Variants in ASS1 observed in about 807,000 individuals in gnomAD.
The protein encoded by ASS1 is argininosuccinate synthase 1, also known as argininosuccinate synthase.
Under a neutral mutation model 60.5 loss-of-function variants are expected in ASS1, and 58 were observed. The observed-to-expected ratio is 0.96, with a 90% CI of 0.78 to 1.19. The LOEUF (loss-of-function observed/expected upper bound fraction) is 1.19. Ranked by LOEUF, ASS1 falls within the 50% of genes most tolerant of loss-of-function variation. The pLI is 0.00. For missense variants in ASS1, 454 were observed against 547.3 expected (o/e 0.83, Z 1.70); for synonymous variants, 200 against 206.9 (o/e 0.97, Z 0.29).
At chr9:130,483,927 AG>A (rs552719505) in intron 11 of ASS1, among the ~76,000 whole-genome samples, 3 of 151,840 alleles carry the variant, frequency 2.0e-5, no homozygotes, top group African/African-American at 4.8e-5. Context: ...AGAAGGAACA[AG>A]GGCTGTCACC....
chr9:130,455,269 C>G (rs1845423650), intron 3 of ASS1, among the ~76,000 whole-genome samples: 1 of 151,782 alleles, frequency 6.6e-6, no homozygotes, highest in African/African-American at 2.4e-5. Flanking sequence ...ATCTATCCAT[C>G]CATCCCATTA....
At chr9:130,495,444 C>CATAT (rs142565065) in intron 13 of ASS1, among the ~76,000 whole-genome samples, 70 of 139,818 alleles carry the variant, frequency 5.0e-4, no homozygotes, top group Middle Eastern at 3.6e-3. Context: ...CACACACATA[C>CATAT]ATATATATAT....
intron 1 of ASS1, among the ~76,000 whole-genome samples, chr9:130,448,356 CAT>C (rs1385183273): frequency 3.2e-4 from 48 of 152,244 alleles, no homozygotes; most frequent in African/African-American, 1.1e-3. Flanking sequence ...ACATCACACA[CAT>C]GCATGCACAC....
intron 2 of ASS1, among the ~76,000 whole-genome samples, chr9:130,454,092 A>G (rs1845383176): frequency 6.6e-6 from 1 of 152,252 alleles, no homozygotes; most frequent in African/African-American, 2.4e-5. Flanking sequence ...GCCACCAGCC[A>G]TCACCACGCT....
rs901134925 is a variant in ASS1, at chr9:130,489,760, G to A, written c.970+296G>A. 3.3e-5 allele frequency among the ~76,000 whole-genome samples: 5 copies of A among 152,266 alleles called. No homozygotes were observed. The highest frequency in any genetic ancestry group is 6.5e-5 in the Admixed American group (1 of 15,290). On this transcript the variant is annotated intron_variant, in intron 12 of 14. Coordinates refer to ENST00000352480, the MANE Select transcript of ASS1 (RefSeq NM_054012.4). This position sits in a 1 kb window ranked among gnomAD's most constrained non-coding sequence, Gnocchi z 4.1. ...ACCCCCTACAGTTTGCATGACTGCA[G>A]CAATGCCAGGCACTGGGCACTGTGC...
intron 8 of ASS1, among the ~76,000 whole-genome samples, chr9:130,474,697 C>T (rs1207747822): frequency 6.6e-6 from 1 of 152,256 alleles, no homozygotes; most frequent in Admixed American, 6.5e-5. Context: ...TGATGCCTAC[C>T]TGTGGCTGTG....
At chr9:130,475,455 G>A (rs1845989955) in intron 8 of ASS1, among the ~76,000 whole-genome samples, 2 of 152,224 alleles carry the variant, frequency 1.3e-5, no homozygotes, top group East Asian at 3.8e-4. Context: ...GCTTCCCCAA[G>A]GCCCCCCAGC....
intron 11 of ASS1, among the ~76,000 whole-genome samples, chr9:130,483,314 G>A (rs374153725): frequency 5.4e-4 from 72 of 132,124 alleles, no homozygotes; most frequent in African/African-American, 1.9e-3. Flanking sequence ...TACAAAGCTC[G>A]TAATTGAAAT....
In ASS1 at chr9:130,476,315, C is replaced by T. The variant is rs969372944; in HGVS notation, c.598-556C>T. The stretch of plus-strand genomic sequence containing the variant: ...CAGACGAGAGGCCCATTTTCCAACA[C>T]GCCCAAGAAAAAATATACATAAAGG... On this transcript the variant is annotated intron_variant, in intron 8 of 14. Coordinates refer to ENST00000352480, the MANE Select transcript of ASS1 (RefSeq NM_054012.4). The surrounding 1 kb of genome is among the most constrained non-coding windows in gnomAD (Gnocchi z 4.9). 11 of 156,910 alleles carry T rather than the reference C, an allele frequency of 7.0e-5. No individual in the cohort carries two copies. The highest frequency in any genetic ancestry group is 1.7e-4 in the African/African-American group (7 of 41,612). 9.7% of individuals were successfully genotyped at this position (156,910 alleles called of 1,614,324 possible). A position where few individuals can be genotyped will look rare whatever the true frequency, so the allele number is the denominator to read the frequency against.
At chr9:130,453,162 GC>G (rs1338699982) in intron 2 of ASS1, among the ~76,000 whole-genome samples, 1 of 152,224 alleles carries the variant, frequency 6.6e-6, no homozygotes, top group Non-Finnish European at 1.5e-5. Flanking sequence ...AAAAAGGAGG[GC>G]TTACCCCCAG....
intron 8 of ASS1, among the ~76,000 whole-genome samples, chr9:130,475,464 G>C (rs1174432994): frequency 1.3e-5 from 2 of 152,216 alleles, no homozygotes; most frequent in African/African-American, 4.8e-5. Context: ...AGGCCCCCCA[G>C]CCTGAGCTCT....
intron 11 of ASS1, among the ~76,000 whole-genome samples, chr9:130,482,619 A>T (rs1439659825): frequency 6.6e-6 from 1 of 152,124 alleles, no homozygotes; most frequent in Non-Finnish European, 1.5e-5. Context: ...AATGAACTGA[A>T]GGAGGTGGTT....
chr9:130,455,755 G>A (rs1845435894), intron 3 of ASS1, among the ~76,000 whole-genome samples: 1 of 152,278 alleles, frequency 6.6e-6, no homozygotes. Flanking sequence ...GGACATAGCA[G>A]GGATGATGTG....
In ASS1 at chr9:130,450,412, A is replaced by G. The variant is rs1428195964; in HGVS notation, c.-5-1812A>G. On this transcript the variant is annotated intron_variant, in intron 1 of 14. Coordinates refer to ENST00000352480, the MANE Select transcript of ASS1 (RefSeq NM_054012.4). ...CCTGCATGGCCAATTGCCTGGCTGC[A>G]GTTGCCATGGATACCACCTGCTGGC... The G allele has an allele frequency of 1.3e-5, 12 of 918,670 alleles. No homozygotes were observed. In the South Asian group the frequency reaches 5.0e-4, roughly 39 times the overall value. The allele number at this position is 918,670 out of a possible 1,614,324, so 56.9% of individuals were successfully genotyped here. A position where few individuals can be genotyped will look rare whatever the true frequency, so the allele number is the denominator to read the frequency against.
chr9:130,445,062 A>C lies in ASS1; in HGVS notation c.-6+67A>C, dbSNP rs6597680. 402,254 of 764,986 alleles carry C rather than the reference A, an allele frequency of 0.53. 106,172 individuals are homozygous for C. The highest frequency in any genetic ancestry group is 0.56 in the African/African-American group (29,637 of 53,046). The allele number at this position is 764,986 out of a possible 1,614,324, so 47.4% of individuals were successfully genotyped here. A position where few individuals can be genotyped will look rare whatever the true frequency, so the allele number is the denominator to read the frequency against. The stretch of plus-strand genomic sequence containing the variant: ...GAGAGCACCCGCTTCCCGGGCCCAG[A>C]GGAGGAGGCGTAGAAGACGCCCGCC... On this transcript the variant is annotated intron_variant, in intron 1 of 14. Coordinates refer to ENST00000352480, the MANE Select transcript of ASS1 (RefSeq NM_054012.4).
At chr9:130,475,015 T>G (rs145696730) in intron 8 of ASS1, among the ~76,000 whole-genome samples, 2 of 152,220 alleles carry the variant, frequency 1.3e-5, no homozygotes, top group African/African-American at 4.8e-5. Flanking sequence ...ACCTTGGAGG[T>G]GGGGGTGGAG....
rs1443777085 is a variant in ASS1 at position 130,470,188 on chromosome 9, T to C, written c.496-646T>C. 3.9e-5 allele frequency among the ~76,000 whole-genome samples: 6 copies of C among 152,176 alleles called. No homozygotes were observed. Among genetic ancestry groups the C allele is most frequent in the African/African-American group, 9.6e-5 (4 of 41,452 alleles). Reference sequence around the variant, plus strand: ...TGCAGCCCTCTTAGCCTGGGCCTCCTGGGCAGAGGTGGGTGTCCTCCTGTA... The same window carrying C: ...TGCAGCCCTCTTAGCCTGGGCCTCCCGGGCAGAGGTGGGTGTCCTCCTGTA... On this transcript the variant is annotated intron_variant, in intron 6 of 14. Coordinates refer to ENST00000352480, the MANE Select transcript of ASS1 (RefSeq NM_054012.4). This position sits in a 1 kb window ranked among gnomAD's most constrained non-coding sequence, Gnocchi z 4.3.
At chr9:130,457,765 G>T (rs1282968361) in intron 3 of ASS1, among the ~76,000 whole-genome samples, 1 of 152,138 alleles carries the variant, frequency 6.6e-6, no homozygotes, top group Non-Finnish European at 1.5e-5. Flanking sequence ...AACCGTCTCT[G>T]GTTGGGAACT....
At chr9:130,473,079 G>C (rs910588984) in intron 8 of ASS1, among the ~76,000 whole-genome samples, 5 of 152,188 alleles carry the variant, frequency 3.3e-5, no homozygotes, top group African/African-American at 1.2e-4. Flanking sequence ...TGTCTCATGA[G>C]GGCATTGGGT....
Sources: allele counts gnomAD v4.1 joint callset (sites outside exome capture counted in the v4.1 genomes callset), GRCh38; gene constraint gnomAD v4.1.1; non-coding constraint Gnocchi (gnomAD v3.1); transcripts MANE v1.5; gene names NCBI Gene and HGNC (gene_info 2026-07-23, HGNC 2026-07-21).